ARHGEF3: variants seen among roughly 807,000 people sequenced by gnomAD.
ARHGEF3 encodes the protein 59.8 kDA protein.
Under a neutral mutation model 63.2 loss-of-function variants are expected in ARHGEF3, and 28 were observed. The ratio of observed to expected loss-of-function variants is 0.44; its 90% confidence interval spans 0.33 to 0.61. ARHGEF3 has a LOEUF of 0.61. ARHGEF3 is among the 20% of genes least tolerant of loss of function. The pLI is 0.03. For synonymous variants in ARHGEF3, 266 were observed against 254.2 expected, an observed-to-expected ratio of 1.05 and a Z score of -0.44; for missense variants, 533 against 659.3, an observed-to-expected ratio of 0.81 and a Z score of 2.10.
In ARHGEF3 at chr3:56,916,309, C is replaced by A. The variant is rs900423649; in HGVS notation, c.130-33955G>T. ...CCAGGCTCAGCAGCAGGGGGCTTACCTGCGAACGGACAAAGAGGCAGCACC... is the reference window on the plus strand; with the variant it reads ...CCAGGCTCAGCAGCAGGGGGCTTACATGCGAACGGACAAAGAGGCAGCACC... On this transcript the variant is annotated intron_variant, in intron 3 of 12. Coordinates refer to the ARHGEF3 transcript ENST00000338458. 4 of 1,535,320 alleles carry A rather than the reference C, an allele frequency of 2.6e-6. No homozygotes were observed. In the African/African-American group the frequency reaches 5.5e-5, roughly 21 times the overall value.
intron 6 of ARHGEF3, among the ~76,000 whole-genome samples, chr3:56,750,547 T>C (rs1330176769): frequency 6.6e-6 from 1 of 152,284 alleles, no homozygotes; most frequent in East Asian, 1.9e-4. Flanking sequence ...ATTTTGACCA[T>C]GAGATTTTTT....
intron 2 of ARHGEF3, among the ~76,000 whole-genome samples, chr3:57,006,377 A>G (rs553208332): frequency 1.3e-5 from 2 of 152,298 alleles, no homozygotes; most frequent in East Asian, 3.9e-4. Context: ...AAGCCATCAA[A>G]GTGGCTAATG....
intron 9 of ARHGEF3, among the ~76,000 whole-genome samples, chr3:56,731,129 T>A (rs1173177624): frequency 2.0e-5 from 3 of 152,216 alleles, no homozygotes; most frequent in African/African-American, 7.2e-5. Flanking sequence ...GGTAGAGGGA[T>A]TGATCAGTAG....
chr3:56,930,529 G>A (rs942836260), intron 3 of ARHGEF3, among the ~76,000 whole-genome samples: 3 of 152,020 alleles, frequency 2.0e-5, no homozygotes, highest in Non-Finnish European at 2.9e-5. Flanking sequence ...GATTTTTGAC[G>A]AGAACTACCG....
chr3:56,743,902 T>C (rs752065915), intron 7 of ARHGEF3, among the ~76,000 whole-genome samples: 2 of 152,100 alleles, frequency 1.3e-5, no homozygotes, highest in African/African-American at 4.8e-5. Context: ...CCTCAGTCCC[T>C]TGTTCTACCA....
At chr3:56,989,105 TC>T (rs1448469037) in intron 2 of ARHGEF3, among the ~76,000 whole-genome samples, 1 of 152,182 alleles carries the variant, frequency 6.6e-6, no homozygotes, top group Admixed American at 6.5e-5. Context: ...TTAGAAAACT[TC>T]AGTTGATTAC....
chr3:56,770,614 A>G (rs2035955337), intron 2 of ARHGEF3, among the ~76,000 whole-genome samples: 1 of 152,128 alleles, frequency 6.6e-6, no homozygotes. Flanking sequence ...GGCATTCTCC[A>G]TGCTTTGCAG....
upstream of ARHGEF3, among the ~76,000 whole-genome samples, chr3:56,805,181 A>G (rs1243891862): frequency 6.6e-6 from 1 of 152,222 alleles, no homozygotes; most frequent in Non-Finnish European, 1.5e-5. Context: ...AGGGCCAAGC[A>G]GGGAGTCTGA....
intron 1 of ARHGEF3, among the ~76,000 whole-genome samples, chr3:57,052,784 T>G (rs1262919878): frequency 6.6e-6 from 1 of 152,142 alleles, no homozygotes; most frequent in Admixed American, 6.5e-5. Context: ...GGAATCGAAG[T>G]GCGTCCTTCT....
At position 56,727,918 on chromosome 3, in the gene ARHGEF3, T is replaced by C. The variant is rs1343881478; in HGVS notation, c.*1352A>G. On this transcript the variant is annotated 3_prime_UTR_variant, in exon 10 of 10. Coordinates refer to ENST00000296315, the MANE Select transcript of ARHGEF3 (RefSeq NM_019555.3). ...CATCAATGCATTTACTGCTTTCTTT[T>C]CTGTAAACTTGAAAGACAGATTAAA... The C allele has an allele frequency of 6.6e-6, 1 of 152,648 alleles. No individual in the cohort carries two copies. The highest frequency in any genetic ancestry group is 6.5e-5 in the Admixed American group (1 of 15,280). 9.5% of individuals were successfully genotyped at this position (152,648 alleles called of 1,614,324 possible).
chr3:56,818,043 C>T (rs2038335443), intron 4 of ARHGEF3, among the ~76,000 whole-genome samples: 3 of 152,152 alleles, frequency 2.0e-5, no homozygotes, highest in Non-Finnish European at 4.4e-5. Flanking sequence ...TTTTTCAGTC[C>T]AAGTCTTGTG....
At chr3:56,729,859 G>C (rs953457895) in intron 9 of ARHGEF3, among the ~76,000 whole-genome samples, 10 of 152,106 alleles carry the variant, frequency 6.6e-5, no homozygotes, top group Non-Finnish European at 1.5e-4. Flanking sequence ...CCCGCAGGTG[G>C]AGATCATCTT....
intron 2 of ARHGEF3, among the ~76,000 whole-genome samples, chr3:56,993,537 G>T (rs911643058): frequency 2.0e-5 from 3 of 151,678 alleles, no homozygotes; most frequent in Non-Finnish European, 2.9e-5. Flanking sequence ...ACGATGGCCA[G>T]CTAATTTTTA....
At chr3:57,042,129 T>C (rs1704211135) in intron 1 of ARHGEF3, among the ~76,000 whole-genome samples, 1 of 152,146 alleles carries the variant, frequency 6.6e-6, no homozygotes, top group Non-Finnish European at 1.5e-5. Context: ...CCACGCATGG[T>C]CTTGAAGCAT....
At chr3:57,042,359 A>T (rs77471950) in intron 1 of ARHGEF3, among the ~76,000 whole-genome samples, 1,784 of 152,210 alleles carry the variant, frequency 0.012, 35 homozygotes, top group African/African-American at 0.04. Flanking sequence ...GAAAAAAGCA[A>T]GAACAGAACC....
At chr3:56,915,350 C>T (rs192866814) in intron 3 of ARHGEF3, among the ~76,000 whole-genome samples, 1 of 152,150 alleles carries the variant, frequency 6.6e-6, no homozygotes, top group Admixed American at 6.5e-5. Flanking sequence ...CCTGTAGTCC[C>T]AGCTACTCGG....
intron 8 of ARHGEF3, among the ~76,000 whole-genome samples, chr3:56,736,049 A>AAC (rs10530565): frequency 0.011 from 1,631 of 147,148 alleles, 9 homozygotes; most frequent in Admixed American, 0.015. Context: ...CAGAAATTTA[A>AAC]ACACACACAC....
At chr3:56,800,086 G>GAATAA (rs1271956073) in intron 1 of ARHGEF3, among the ~76,000 whole-genome samples, 2 of 152,142 alleles carry the variant, frequency 1.3e-5, no homozygotes, top group Non-Finnish European at 2.9e-5. Context: ...CTATGTATAA[G>GAATAA]AATAAAATGA....
At chr3:56,790,911 T>C (rs1211837784) in intron 1 of ARHGEF3, among the ~76,000 whole-genome samples, 2 of 152,224 alleles carry the variant, frequency 1.3e-5, no homozygotes, top group African/African-American at 4.8e-5. Context: ...ACATTCACCT[T>C]TCTTTTTTCC....
Sources: gnomAD v4.1 joint callset for allele counts (sites outside exome capture counted in the v4.1 genomes callset) on GRCh38, gnomAD v4.1.1 for gene constraint, MANE v1.5 for transcripts, NCBI Gene and HGNC (gene_info 2026-07-23, HGNC 2026-07-21) for gene names.